The following NLGN4X variants were observed in gnomAD, a reference collection of about 807,000 sequenced individuals.
NLGN4X encodes neuroligin-4, X-linked.
In NLGN4X, 3 loss-of-function variants were observed where a neutral mutation model predicts 40.3. The observed-to-expected ratio is 0.07, with a 90% CI of 0.03 to 0.19. The LOEUF (loss-of-function observed/expected upper bound fraction) is 0.19, where lower values mean the gene tolerates loss of function less well. NLGN4X is among the 10% of genes least tolerant of loss of function. NLGN4X has a pLI of 1.00. For missense variants in NLGN4X, 382 were observed against 708.3 expected, an observed-to-expected ratio of 0.54 and a Z score of 5.23; for synonymous variants, 270 against 306.8, an observed-to-expected ratio of 0.88 and a Z score of 1.25.
chrX:6,197,320 G>C (rs982847187), intron 1 of NLGN4X, among the ~76,000 whole-genome samples: 1 of 110,416 alleles, frequency 9.1e-6, no homozygotes, highest in African/African-American at 3.3e-5. Flanking sequence ...GGAGTGCAAC[G>C]GTGCAACCTT....
chrX:6,087,551 C>A (rs1002421533), intron 2 of NLGN4X, among the ~76,000 whole-genome samples: 5 of 111,823 alleles, frequency 4.5e-5, no homozygotes, highest in African/African-American at 1.6e-4. Flanking sequence ...ATTTCAGTTG[C>A]AATGATCACC....
chrX:6,012,079 AT>A (rs765998259), intron 3 of NLGN4X, among the ~76,000 whole-genome samples: 1 of 112,699 alleles, frequency 8.9e-6, no homozygotes, highest in Non-Finnish European at 1.9e-5. Flanking sequence ...ACATGCCCAA[AT>A]TGCAATTCCA....
At chrX:5,896,046 G>A (rs1254368480) in intron 5 of NLGN4X, among the ~76,000 whole-genome samples, 1 of 111,541 alleles carries the variant, frequency 9.0e-6, no homozygotes, top group Non-Finnish European at 1.9e-5. Flanking sequence ...ACAAATGGAA[G>A]TGAAGATTCT....
intron 2 of NLGN4X, among the ~76,000 whole-genome samples, chrX:6,116,387 CTTTCTTTTTTTTTTTTTTTTT>C (rs1569246604): frequency 1.0e-4 from 3 of 29,533 alleles, no homozygotes; most frequent in African/African-American, 3.5e-4. Flanking sequence ...TTGAACCTTT[CTTTCTTTTTTTTTTTTTTTTT>C]TTTTTTTTTT....
chrX:6,094,461 G>A, intron 2 of NLGN4X, among the ~76,000 whole-genome samples: 1 of 110,521 alleles, frequency 9.0e-6, no homozygotes, highest in Non-Finnish European at 1.9e-5. Context: ...CACTGTTAAT[G>A]TTTTTCCCTG....
chrX:5,950,031 G>A (rs1415555038), intron 3 of NLGN4X, among the ~76,000 whole-genome samples: 1 of 111,934 alleles, frequency 8.9e-6, no homozygotes, highest in Non-Finnish European at 1.9e-5. Flanking sequence ...GGACCTGAAG[G>A]CCATGTGTAG....
At chrX:6,104,010 A>AT (rs775849371) in intron 2 of NLGN4X, among the ~76,000 whole-genome samples, 10 of 111,933 alleles carry the variant, frequency 8.9e-5, no homozygotes, top group South Asian at 7.5e-4. Context: ...TGTGATTTGC[A>AT]TAAGTGTGCA....
At chrX:5,981,727 ATTG>A (rs2035394324) in intron 3 of NLGN4X, among the ~76,000 whole-genome samples, 1 of 111,246 alleles carries the variant, frequency 9.0e-6, no homozygotes, top group Non-Finnish European at 1.9e-5. Flanking sequence ...TCTAAGACTG[ATTG>A]ATAGATAAAT....
At chrX:6,102,191 C>A (rs1385364962) in intron 2 of NLGN4X, among the ~76,000 whole-genome samples, 2 of 111,372 alleles carry the variant, frequency 1.8e-5, no homozygotes, top group Non-Finnish European at 3.8e-5. Context: ...GAGATGGACA[C>A]CCCATTTTCT....
chrX:6,141,392 AATCTT>A lies in NLGN4X; in HGVS notation c.472+9598_472+9602del, dbSNP rs779307274. On this transcript the variant is annotated intron_variant, in intron 2 of 5. Transcript: ENST00000381095. ...TGACATCAAAGTCTTAATATGCACT[AATCTT>A]ATCTCTTTTATAATTATTTCTTATA... is the stretch of plus-strand genomic sequence containing the variant. Among the ~76,000 whole-genome samples the A allele has an allele frequency of 7.1e-4, 80 of 111,994 alleles. 1 individual carries two copies. The highest frequency in any genetic ancestry group is 3.9e-3 in the Admixed American group (41 of 10,497).
chrX:6,098,015 C>T (rs2038821119), intron 2 of NLGN4X, among the ~76,000 whole-genome samples: 3 of 112,703 alleles, frequency 2.7e-5, no homozygotes, highest in Admixed American at 1.9e-4. Context: ...GAGGGTGGGG[C>T]GCGATGGCTC....
chrX:5,970,075 T>G (rs769459529), intron 3 of NLGN4X, among the ~76,000 whole-genome samples: 1 of 107,962 alleles, frequency 9.3e-6, no homozygotes, highest in East Asian at 3.0e-4. Context: ...CTAATGTTAA[T>G]TGACGAGTTA....
chrX:5,962,347 T>C (rs1569155845), intron 3 of NLGN4X, among the ~76,000 whole-genome samples: 1 of 111,671 alleles, frequency 9.0e-6, no homozygotes, highest in Non-Finnish European at 1.9e-5. Context: ...TTAGTCACTT[T>C]AAGACTCAAG....
chrX:5,996,601 C>CA (rs1555942974), intron 3 of NLGN4X, among the ~76,000 whole-genome samples: 5 of 95,357 alleles, frequency 5.2e-5, no homozygotes, highest in East Asian at 6.6e-4. Flanking sequence ...CCCTTTTCAC[C>CA]TTTTTTTTTT....
Position 6,102,475 on chromosome X carries a change from G to A in NLGN4X, c.472+48520C>T, listed in dbSNP as rs150395424. ...CTATGTGAGGACACAGTGAGAAGGC[G>A]CTGTCTATGAATCAGGAAGTGGGTC... On this transcript the variant is annotated intron_variant, in intron 2 of 5. Transcript: ENST00000381095. Among the ~76,000 whole-genome samples, 213 of 110,739 alleles carry A rather than the reference G, an allele frequency of 1.9e-3. No individual in the cohort carries two copies. The East Asian group carries it at 0.031, about 16-fold the overall frequency.
intron 2 of NLGN4X, among the ~76,000 whole-genome samples, chrX:6,088,535 AG>A (rs1169177847): frequency 8.9e-6 from 1 of 112,171 alleles, no homozygotes; most frequent in East Asian, 2.8e-4. Context: ...GGTGTTATGT[AG>A]TAGAAACCAA....
chrX:6,033,207 G>A (rs961215667), intron 2 of NLGN4X, among the ~76,000 whole-genome samples: 1 of 91,350 alleles, frequency 1.1e-5, no homozygotes, highest in Non-Finnish European at 2.2e-5. Context: ...GACACATTAT[G>A]GTTAGAAATT....
intron 2 of NLGN4X, among the ~76,000 whole-genome samples, chrX:6,135,575 C>G (rs1569258497): frequency 1.8e-5 from 2 of 111,613 alleles, no homozygotes; most frequent in Admixed American, 9.6e-5. Context: ...ACTGGACTTA[C>G]CCAATCTCTT....
At chrX:6,186,701 A>G (rs1452624645) in intron 1 of NLGN4X, 1 of 111,883 alleles carries the variant, frequency 8.9e-6, no homozygotes, top group African/African-American at 3.2e-5. Context: ...AAATCATGTT[A>G]AAAGTCTTTG....
Sources: gnomAD v4.1 joint callset for allele counts (sites outside exome capture counted in the v4.1 genomes callset) on GRCh38, gnomAD v4.1.1 for gene constraint, MANE v1.5 for transcripts, NCBI Gene and HGNC (gene_info 2026-07-23, HGNC 2026-07-21) for gene names.